The following ADGRB3 variants were observed in gnomAD, a reference collection of about 807,000 sequenced individuals.
The protein encoded by ADGRB3 is brain-specific angiogenesis inhibitor 3.
A neutral mutation model predicts 193.4 loss-of-function variants in ADGRB3; 37 were observed. The observed-to-expected ratio is 0.19, with a 90% CI of 0.15 to 0.25. ADGRB3 has a LOEUF of 0.25. Among genes scored for constraint, ADGRB3 ranks in the 10% least tolerant of loss-of-function variants. The probability of loss-of-function intolerance (pLI) is 1.00; values close to 1 mark genes in which losing one functional copy is unlikely to be tolerated. For missense variants in ADGRB3, 1,637 were observed against 1,852.9 expected, an observed-to-expected ratio of 0.88 and a Z score of 2.14; for synonymous variants, 690 against 644.2, an observed-to-expected ratio of 1.07 and a Z score of -1.08.
At chr6:68,923,321 C>T (rs1767096263) in intron 3 of ADGRB3, among the ~76,000 whole-genome samples, 2 of 151,884 alleles carry the variant, frequency 1.3e-5, no homozygotes, top group South Asian at 4.1e-4. Context: ...TCTCCCTTAC[C>T]TCCACGTACA....
chr6:69,187,261 A>G (rs1170073003), intron 17 of ADGRB3, among the ~76,000 whole-genome samples: 1 of 152,188 alleles, frequency 6.6e-6, no homozygotes, highest in Admixed American at 6.6e-5. Context: ...ATAATTTTAA[A>G]ATGTGAAAAA....
chr6:69,061,254 T>G (rs1771739585), intron 15 of ADGRB3, among the ~76,000 whole-genome samples: 1 of 152,000 alleles, frequency 6.6e-6, no homozygotes, highest in Admixed American at 6.6e-5. Flanking sequence ...TTAAAAATGT[T>G]AACCCATGCG....
intron 3 of ADGRB3, among the ~76,000 whole-genome samples, chr6:68,689,285 C>T (rs1765031220): frequency 6.6e-6 from 1 of 152,014 alleles, no homozygotes; most frequent in South Asian, 2.1e-4. Flanking sequence ...GGCAGGCAGG[C>T]AGAGGACTAA....
At chr6:69,345,145 C>G (rs906388053) in intron 26 of ADGRB3, among the ~76,000 whole-genome samples, 1 of 151,872 alleles carries the variant, frequency 6.6e-6, no homozygotes, top group Non-Finnish European at 1.5e-5. Flanking sequence ...TGAGTGGTCT[C>G]GTAAAGAAAG....
intron 17 of ADGRB3, among the ~76,000 whole-genome samples, chr6:69,214,753 T>C (rs890101720): frequency 6.6e-6 from 1 of 151,796 alleles, no homozygotes; most frequent in Non-Finnish European, 1.5e-5. Flanking sequence ...AACGTAATTG[T>C]GGTTTTTACC....
At chr6:68,840,060 A>C (rs1768121370) in intron 3 of ADGRB3, among the ~76,000 whole-genome samples, 1 of 152,162 alleles carries the variant, frequency 6.6e-6, no homozygotes, top group Admixed American at 6.5e-5. Context: ...TCAGAACGTG[A>C]GTTCTGGCAA....
At chr6:68,864,647 T>A (rs1765241917) in intron 3 of ADGRB3, among the ~76,000 whole-genome samples, 1 of 152,190 alleles carries the variant, frequency 6.6e-6, no homozygotes, top group Non-Finnish European at 1.5e-5. Context: ...CTATGTTATG[T>A]TTCTGCTAAT....
intron 17 of ADGRB3, among the ~76,000 whole-genome samples, chr6:69,081,812 GT>G (rs1017886244): frequency 2.0e-5 from 3 of 151,922 alleles, no homozygotes; most frequent in African/African-American, 7.2e-5. Context: ...AACTGATAAC[GT>G]TTACATAAAT....
intron 29 of ADGRB3, among the ~76,000 whole-genome samples, chr6:69,363,332 G>A (rs1365615956): frequency 6.6e-6 from 1 of 151,960 alleles, no homozygotes; most frequent in Non-Finnish European, 1.5e-5. Flanking sequence ...GAATTTAATA[G>A]TAATTGCTTA....
At chr6:69,386,023 C>T (rs1770062314) in intron 31 of ADGRB3, among the ~76,000 whole-genome samples, 1 of 152,068 alleles carries the variant, frequency 6.6e-6, no homozygotes, top group African/African-American at 2.4e-5. Context: ...AGGGCATCCA[C>T]ACATTTGTGA....
At chr6:69,206,715 A>G (rs769236453) in intron 17 of ADGRB3, among the ~76,000 whole-genome samples, 2 of 151,726 alleles carry the variant, frequency 1.3e-5, no homozygotes, top group Non-Finnish European at 1.5e-5. Flanking sequence ...GAAACAAAAG[A>G]AGGAGAAAAT....
rs141564902 is a variant in ADGRB3, at chr6:68,848,287, A to G, written c.758-82272A>G. On this transcript the variant is annotated intron_variant, in intron 3 of 31. Coordinates refer to ENST00000370598, the MANE Select transcript of ADGRB3 (RefSeq NM_001704.3). ...AATTTTATCTTGCACTCTGGTAATA[A>G]TACATGAATAAAACACAATCTATTA... Among the ~76,000 whole-genome samples, 349 of 152,208 alleles carry G rather than the reference A, an allele frequency of 2.3e-3. 2 individuals are homozygous for G. Among genetic ancestry groups the G allele is most frequent in the Admixed American group, 0.014 (220 of 15,286 alleles).
chr6:69,328,129 T>G (rs139214905), intron 22 of ADGRB3, among the ~76,000 whole-genome samples: 47 of 152,312 alleles, frequency 3.1e-4, no homozygotes, highest in African/African-American at 1.1e-3. Flanking sequence ...ATATTTGGCT[T>G]TTAAAATATT....
chr6:69,089,498 C>A (rs1772645548), intron 17 of ADGRB3, among the ~76,000 whole-genome samples: 1 of 152,062 alleles, frequency 6.6e-6, no homozygotes, highest in African/African-American at 2.4e-5. Flanking sequence ...CACTTCTTAG[C>A]CTCTATTGTT....
In ADGRB3 at chr6:68,721,627, A is replaced by AATATATATATAT. The variant is rs71852236; in HGVS notation, c.757+82213_757+82224dup. Among the ~76,000 whole-genome samples, 969 of 140,080 alleles carry AATATATATATAT rather than the reference A, an allele frequency of 6.9e-3. 9 individuals carry two copies. Among genetic ancestry groups the AATATATATATAT allele is most frequent in the African/African-American group, 0.024 (904 of 37,968 alleles). 91.9% of individuals were successfully genotyped at this position (140,080 alleles called of 152,430 possible). Reference sequence around the variant, plus strand: ...GTACCCTAGAACTTAAAGTATAATAAATATATATATATATATATATATATA... The same window carrying AATATATATATAT: ...GTACCCTAGAACTTAAAGTATAATAAATATATATATATATATATATATATATATATATATATA... On this transcript the variant is annotated intron_variant, in intron 3 of 31. Transcript: ENST00000370598.
chr6:68,958,203 A>G (rs1768132781), intron 8 of ADGRB3, among the ~76,000 whole-genome samples: 1 of 151,328 alleles, frequency 6.6e-6, no homozygotes, highest in African/African-American at 2.4e-5. Flanking sequence ...TCTGTCTCGA[A>G]AAAAAAAAAT....
At chr6:68,797,834 G>T (rs1767239921) in intron 3 of ADGRB3, among the ~76,000 whole-genome samples, 2 of 151,936 alleles carry the variant, frequency 1.3e-5, no homozygotes, top group African/African-American at 4.8e-5. Context: ...TTTTACCTTT[G>T]TTGGACAGTA....
intron 31 of ADGRB3, among the ~76,000 whole-genome samples, chr6:69,388,059 ATACAAT>A (rs1338467771): frequency 3.3e-5 from 5 of 152,152 alleles, no homozygotes; most frequent in Non-Finnish European, 2.9e-5. Context: ...ATTTATTGGT[ATACAAT>A]TACAAGTTTA....
chr6:69,294,667 C>T (rs796975499), intron 20 of ADGRB3, among the ~76,000 whole-genome samples: 73 of 152,190 alleles, frequency 4.8e-4, no homozygotes, highest in African/African-American at 1.6e-3. Context: ...AGATAAAATC[C>T]GTGCAGTGGG....
Sources: gnomAD v4.1 joint callset for allele counts (sites outside exome capture counted in the v4.1 genomes callset) on GRCh38, gnomAD v4.1.1 for gene constraint, MANE v1.5 for transcripts, NCBI Gene and HGNC (gene_info 2026-07-23, HGNC 2026-07-21) for gene names.